CDH4: variants seen among roughly 807,000 people sequenced by gnomAD.
CDH4 encodes cadherin-4.
In CDH4, 33 loss-of-function variants were observed where a neutral mutation model predicts 86.0. That is an observed-to-expected ratio of 0.38 (90% CI 0.29 to 0.51). The LOEUF is 0.51. CDH4 is among the 20% of genes least tolerant of loss of function. The probability of loss-of-function intolerance (pLI) is 0.86; values close to 1 mark genes in which losing one functional copy is unlikely to be tolerated. For missense variants in CDH4, 1,114 were observed against 1,307.4 expected, an observed-to-expected ratio of 0.85 and a Z score of 2.28; for synonymous variants, 555 against 549.4, an observed-to-expected ratio of 1.01 and a Z score of -0.14.
intron 2 of CDH4, among the ~76,000 whole-genome samples, chr20:61,648,115 C>T (rs934889201): frequency 3.3e-5 from 5 of 152,208 alleles, no homozygotes; most frequent in South Asian, 2.1e-4. Context: ...CTCAGAGGAG[C>T]GCAGGTGCAG....
At chr20:61,667,417 C>T (rs931762151) in intron 2 of CDH4, among the ~76,000 whole-genome samples, 1 of 152,212 alleles carries the variant, frequency 6.6e-6, no homozygotes, top group Non-Finnish European at 1.5e-5. Context: ...AACAGAGAAG[C>T]GGGGTTGCAT....
intron 2 of CDH4, among the ~76,000 whole-genome samples, chr20:61,564,559 C>T (rs890894591): frequency 6.6e-6 from 1 of 152,172 alleles, no homozygotes; most frequent in African/African-American, 2.4e-5. Flanking sequence ...TCCGCTTCAC[C>T]CTCCACCATG....
intron 2 of CDH4, chr20:61,719,065 T>C: frequency 2.1e-6 from 1 of 471,132 alleles, no homozygotes. Flanking sequence ...CTCGTGCTAA[T>C]AGGAAGTGCT....
chr20:61,483,174 C>CA (rs1386078110), intron 2 of CDH4, among the ~76,000 whole-genome samples: 30 of 152,098 alleles, frequency 2.0e-4, no homozygotes, highest in Admixed American at 1.4e-3. Flanking sequence ...TGAAGTAAGA[C>CA]AAGATGAGTG....
At position 61,792,335 on chromosome 20, in the gene CDH4, T is replaced by C. The variant is rs1019169545; in HGVS notation, c.576+19153T>C. ...GCCCACGTGTGGGGTGCCATGGGGATACTGTGCACATCTGTCCCCCCTCCT... is the reference window on the plus strand; with the variant it reads ...GCCCACGTGTGGGGTGCCATGGGGACACTGTGCACATCTGTCCCCCCTCCT... On this transcript the variant is annotated intron_variant, in intron 4 of 15. Coordinates refer to ENST00000614565, the MANE Select transcript of CDH4 (RefSeq NM_001794.5). Among the ~76,000 whole-genome samples the C allele has an allele frequency of 3.3e-5, 5 of 152,248 alleles. No homozygotes were observed. The South Asian group carries it at 8.3e-4, about 25-fold the overall frequency.
chr20:61,528,463 G>GGAGGGGAGGAGAGGGGAGGGGGGT (rs2085928354), intron 2 of CDH4, among the ~76,000 whole-genome samples: 1 of 96,866 alleles, frequency 1.0e-5, no homozygotes, highest in Admixed American at 1.0e-4. Flanking sequence ...GAGGGGGAGA[G>GGAGGGGAGGAGAGGGGAGGGGGGT]GGAGGGGGAG....
intron 8 of CDH4, among the ~76,000 whole-genome samples, chr20:61,904,278 C>T: frequency 6.6e-6 from 1 of 152,170 alleles, no homozygotes; most frequent in East Asian, 1.9e-4. Flanking sequence ...GTGGGGCTCC[C>T]AGTCCTCTGG....
At chr20:61,431,011 G>A (rs1245164182) in intron 2 of CDH4, among the ~76,000 whole-genome samples, 1 of 152,178 alleles carries the variant, frequency 6.6e-6, no homozygotes, top group African/African-American at 2.4e-5. Flanking sequence ...GGGGCCACAT[G>A]CTGCCATCAG....
At chr20:61,692,217 G>A (rs2087665484) in intron 2 of CDH4, among the ~76,000 whole-genome samples, 1 of 148,236 alleles carries the variant, frequency 6.7e-6, no homozygotes, top group Non-Finnish European at 1.5e-5. Flanking sequence ...GTCTATGTAT[G>A]TATGTGTGTA....
chr20:61,826,325 C>G (rs934096223), intron 4 of CDH4, among the ~76,000 whole-genome samples: 5 of 152,264 alleles, frequency 3.3e-5, no homozygotes, highest in Non-Finnish European at 5.9e-5. Context: ...AAGCTCCCGG[C>G]CCAGCGCCTC....
chr20:61,738,804 C>T (rs1486940570), intron 2 of CDH4: 2 of 152,364 alleles, frequency 1.3e-5, no homozygotes, highest in Non-Finnish European at 2.9e-5. Flanking sequence ...CTCCTCCTCT[C>T]ACCACCTTCA....
intron 2 of CDH4, among the ~76,000 whole-genome samples, chr20:61,576,854 C>T (rs950431572): frequency 3.3e-5 from 5 of 152,216 alleles, no homozygotes. Context: ...AGACTGAAAA[C>T]ACCAATCCAC....
intron 2 of CDH4, among the ~76,000 whole-genome samples, chr20:61,286,003 C>G (rs981328302): frequency 6.6e-6 from 1 of 152,180 alleles, no homozygotes; most frequent in South Asian, 2.1e-4. Flanking sequence ...TTTTCCTTCC[C>G]CCTTCCTATG....
At chr20:61,815,977 T>C (rs1242239657) in intron 4 of CDH4, among the ~76,000 whole-genome samples, 1 of 152,186 alleles carries the variant, frequency 6.6e-6, no homozygotes, top group Non-Finnish European at 1.5e-5. Context: ...GCAATTTCAC[T>C]TGGCCTCGGC....
chr20:61,421,688 G>C (rs2085178545), intron 2 of CDH4, among the ~76,000 whole-genome samples: 1 of 152,182 alleles, frequency 6.6e-6, no homozygotes, highest in African/African-American at 2.4e-5. Context: ...TGACATTTAT[G>C]ACACAGGTGG....
At chr20:61,441,340 AG>A (rs2085314177) in intron 2 of CDH4, among the ~76,000 whole-genome samples, 1 of 152,224 alleles carries the variant, frequency 6.6e-6, no homozygotes, top group African/African-American at 2.4e-5. Context: ...ACTTAGGCAG[AG>A]GGACTGGGCC....
chr20:61,667,643 G>A (rs2087341542), intron 2 of CDH4, among the ~76,000 whole-genome samples: 1 of 130,656 alleles, frequency 7.7e-6, no homozygotes, highest in Non-Finnish European at 1.7e-5. Flanking sequence ...GGCTTTGTGT[G>A]TGGCACACAC....
At chr20:61,311,262 T>C (rs1271731071) in intron 2 of CDH4, among the ~76,000 whole-genome samples, 1 of 152,184 alleles carries the variant, frequency 6.6e-6, no homozygotes, top group African/African-American at 2.4e-5. Context: ...CATGGAGAAG[T>C]TCTTGTTGAA....
At chr20:61,815,273 G>C (rs1187015367) in intron 4 of CDH4, among the ~76,000 whole-genome samples, 2 of 152,190 alleles carry the variant, frequency 1.3e-5, no homozygotes, top group Non-Finnish European at 2.9e-5. Context: ...AGCAATAACA[G>C]AGCATCCCAG....
Sources: allele counts gnomAD v4.1 joint callset (sites outside exome capture counted in the v4.1 genomes callset), GRCh38; gene constraint gnomAD v4.1.1; transcripts MANE v1.5; gene names NCBI Gene and HGNC (gene_info 2026-07-23, HGNC 2026-07-21).